The following WWOX variants were observed in gnomAD, a reference collection of about 807,000 sequenced individuals.
The protein encoded by WWOX is WW domain-containing oxidoreductase.
A neutral mutation model predicts 46.2 loss-of-function variants in WWOX; 69 were observed. The ratio of observed to expected loss-of-function variants is 1.49; its 90% CI spans 1.23 to 1.82. The LOEUF is 1.82. WWOX is among the 40% of genes most tolerant of loss of function. The pLI is 0.00. For synonymous variants in WWOX, 359 were observed against 202.6 expected (o/e 1.77, Z -6.56); for missense variants, 919 against 542.6 (o/e 1.69, Z -6.89).
At chr16:79,002,612 C>G (rs977819360) in intron 8 of WWOX, among the ~76,000 whole-genome samples, 3 of 152,194 alleles carry the variant, frequency 2.0e-5, no homozygotes, top group East Asian at 1.9e-4. Context: ...TTATTTTGAG[C>G]TCTGACTTTG....
At chr16:78,616,570 G>C (rs558174905) in intron 8 of WWOX, among the ~76,000 whole-genome samples, 1 of 151,828 alleles carries the variant, frequency 6.6e-6, no homozygotes, top group Non-Finnish European at 1.5e-5. Context: ...AGGAGGTCGA[G>C]ACCAGCCTGG....
chr16:78,720,614 A>T (rs2048666596), intron 8 of WWOX, among the ~76,000 whole-genome samples: 1 of 152,004 alleles, frequency 6.6e-6, no homozygotes, highest in Non-Finnish European at 1.5e-5. Flanking sequence ...GTCCTAGGAA[A>T]CCTGCCAGCA....
intron 8 of WWOX, among the ~76,000 whole-genome samples, chr16:79,046,486 T>C (rs935562369): frequency 2.6e-5 from 4 of 152,142 alleles, no homozygotes; most frequent in Admixed American, 2.0e-4. Context: ...CAGTGGAAGG[T>C]TCACTGTCTG....
chr16:78,936,741 C>T (rs376629504), intron 8 of WWOX, among the ~76,000 whole-genome samples: 1 of 151,808 alleles, frequency 6.6e-6, no homozygotes, highest in African/African-American at 2.4e-5. Context: ...AAAATGGCTC[C>T]AGTGGATCAA....
chr16:78,841,906 A>T (rs948616889), intron 8 of WWOX, among the ~76,000 whole-genome samples: 2 of 152,190 alleles, frequency 1.3e-5, no homozygotes, highest in African/African-American at 4.8e-5. Flanking sequence ...GGTCTCGATT[A>T]TTGGGCTTGA....
At chr16:78,918,424 C>A (rs533348902) in intron 8 of WWOX, among the ~76,000 whole-genome samples, 1 of 152,002 alleles carries the variant, frequency 6.6e-6, no homozygotes, top group African/African-American at 2.4e-5. Flanking sequence ...CGTGTCCTAT[C>A]CCTTTATTTT....
At chr16:78,806,470 G>C (rs369186826) in intron 8 of WWOX, among the ~76,000 whole-genome samples, 1 of 152,178 alleles carries the variant, frequency 6.6e-6, no homozygotes, top group Non-Finnish European at 1.5e-5. Context: ...AGCTGAAGCA[G>C]CTTGAAAGCC....
At chr16:78,510,473 A>T (rs887751102) in intron 8 of WWOX, among the ~76,000 whole-genome samples, 1 of 152,134 alleles carries the variant, frequency 6.6e-6, no homozygotes, top group Non-Finnish European at 1.5e-5. Flanking sequence ...CTCACCTCCC[A>T]AAGTGCTGGG....
At chr16:79,152,715 CCAAA>C (rs1316783220) in intron 8 of WWOX, among the ~76,000 whole-genome samples, 1 of 151,940 alleles carries the variant, frequency 6.6e-6, no homozygotes, top group African/African-American at 2.4e-5. Context: ...CCAGCCATGC[CCAAA>C]CAGAGTGGCC....
intron 8 of WWOX, among the ~76,000 whole-genome samples, chr16:78,562,169 T>C (rs1050609071): frequency 7.2e-5 from 11 of 152,166 alleles, no homozygotes; most frequent in African/African-American, 2.4e-4. Context: ...TGGAAATCTC[T>C]AGCTTCTCAA....
At chr16:78,920,067 C>A (rs1398629270) in intron 8 of WWOX, among the ~76,000 whole-genome samples, 1 of 152,140 alleles carries the variant, frequency 6.6e-6, no homozygotes, top group Non-Finnish European at 1.5e-5. Flanking sequence ...CAAACGACCC[C>A]ACCATGCCAT....
chr16:78,767,939 C>T (rs1435306918), intron 8 of WWOX, among the ~76,000 whole-genome samples: 1 of 152,082 alleles, frequency 6.6e-6, no homozygotes, highest in East Asian at 1.9e-4. Flanking sequence ...AACCTTCCAG[C>T]ACCACGAGTT....
At chr16:79,063,638 T>C (rs1055184273) in intron 8 of WWOX, among the ~76,000 whole-genome samples, 4 of 152,226 alleles carry the variant, frequency 2.6e-5, no homozygotes, top group African/African-American at 9.6e-5. Flanking sequence ...AAACACTGAC[T>C]CTTGCGCGCT....
chr16:79,098,423 C>G (rs2049120423), intron 8 of WWOX, among the ~76,000 whole-genome samples: 1 of 152,208 alleles, frequency 6.6e-6, no homozygotes, highest in Admixed American at 6.5e-5. Context: ...ACTAACCCCT[C>G]AGGGGTCACC....
At chr16:79,050,334 G>A (rs1282308221) in intron 8 of WWOX, among the ~76,000 whole-genome samples, 3 of 152,162 alleles carry the variant, frequency 2.0e-5, no homozygotes, top group African/African-American at 7.2e-5. Context: ...TTTAGCTGGG[G>A]TGGTTCTCCT....
intron 5 of WWOX, among the ~76,000 whole-genome samples, chr16:78,334,448 A>G (rs2080832243): frequency 6.6e-6 from 1 of 152,202 alleles, no homozygotes; most frequent in Non-Finnish European, 1.5e-5. Flanking sequence ...GTGAACCATT[A>G]AAGATACAGC....
chr16:78,415,161 T>C (rs1328673819), intron 6 of WWOX, among the ~76,000 whole-genome samples: 1 of 151,146 alleles, frequency 6.6e-6, no homozygotes, highest in Non-Finnish European at 1.5e-5. Flanking sequence ...TCATGAGTTT[T>C]CACGGAAAGG....
At chr16:78,416,266 A>G (rs560733506) in intron 6 of WWOX, among the ~76,000 whole-genome samples, 30 of 152,320 alleles carry the variant, frequency 2.0e-4, no homozygotes, top group Non-Finnish European at 3.7e-4. Context: ...AATGGCTTTT[A>G]GTCAAAACTG....
rs372425368 is a variant in WWOX, at chr16:78,715,011, G to A, written c.1056+282259G>A. On this transcript the variant is annotated intron_variant, in intron 8 of 8. Coordinates refer to ENST00000566780, the MANE Select transcript of WWOX (RefSeq NM_016373.4). ...TAGAGAATGGATTGTCATGGCCTGG[G>A]TGTGGTGGCTCATAATCCCAGCACT... Among the ~76,000 whole-genome samples, 50 of 152,276 alleles carry A rather than the reference G, an allele frequency of 3.3e-4. 1 individual carries two copies. Among genetic ancestry groups the A allele is most frequent in the African/African-American group, 1.1e-3 (47 of 41,576 alleles).
Sources: allele counts gnomAD v4.1 joint callset (sites outside exome capture counted in the v4.1 genomes callset), GRCh38; gene constraint gnomAD v4.1.1; transcripts MANE v1.5; gene names NCBI Gene and HGNC (gene_info 2026-07-23, HGNC 2026-07-21).